Variants in GATAD2B observed in about 807,000 individuals in gnomAD.
The protein encoded by GATAD2B is GATA zinc finger domain containing 2B.
GATAD2B carries 8 observed loss-of-function variants against 64.3 expected under a neutral mutation model. That is an observed-to-expected ratio of 0.12 (90% CI 0.07 to 0.22). The LOEUF (loss-of-function observed/expected upper bound fraction) is 0.22. Among genes scored for constraint, GATAD2B ranks in the 10% least tolerant of loss-of-function variants. The pLI is 1.00. For synonymous variants in GATAD2B, 281 were observed against 271.3 expected, an observed-to-expected ratio of 1.04 and a Z score of -0.35; for missense variants, 453 against 752.0, an observed-to-expected ratio of 0.60 and a Z score of 4.65.
chr1:153,903,956 C>T (rs1048300823), intron 1 of GATAD2B, among the ~76,000 whole-genome samples: 14 of 152,004 alleles, frequency 9.2e-5, no homozygotes, highest in African/African-American at 2.9e-4. Flanking sequence ...TGCACTCCAG[C>T]GTTGGCAACA....
intron 2 of GATAD2B, among the ~76,000 whole-genome samples, chr1:153,826,672 G>C (rs1282165893): frequency 1.3e-5 from 2 of 151,856 alleles, no homozygotes; most frequent in African/African-American, 4.8e-5. Flanking sequence ...GGGTGTGGTG[G>C]CTCACAACAG....
At chr1:153,891,609 G>C (rs1242692235) in intron 1 of GATAD2B, among the ~76,000 whole-genome samples, 1 of 124,308 alleles carries the variant, frequency 8.0e-6, no homozygotes, top group Non-Finnish European at 1.7e-5. Context: ...GAGGTGGGGG[G>C]GAGAGGCAAA....
intron 2 of GATAD2B, among the ~76,000 whole-genome samples, chr1:153,821,756 C>T (rs1336825256): frequency 2.6e-5 from 4 of 151,340 alleles, no homozygotes; most frequent in South Asian, 2.1e-4. Flanking sequence ...TTAGTAGAGA[C>T]GGGGTTTCAC....
chr1:153,882,471 T>C (rs920947946), intron 1 of GATAD2B, among the ~76,000 whole-genome samples: 7 of 152,174 alleles, frequency 4.6e-5, no homozygotes, highest in Admixed American at 2.0e-4. Flanking sequence ...ACCCGATCCA[T>C]TGACACCGTT....
intron 1 of GATAD2B, among the ~76,000 whole-genome samples, chr1:153,851,523 CTGA>C (rs1038912823): frequency 6.6e-6 from 1 of 152,094 alleles, no homozygotes; most frequent in African/African-American, 2.4e-5. Context: ...GTGTACTTCT[CTGA>C]TGATTAGCAA....
chr1:153,839,108 C>CAAAAA lies in GATAD2B; in HGVS notation c.-1-10765_-1-10761dup, dbSNP rs35262137. Among the ~76,000 whole-genome samples the CAAAAA allele has an allele frequency of 3.1e-3, 245 of 78,542 alleles. 16 individuals are homozygous for CAAAAA. In the East Asian group the frequency reaches 0.049, roughly 16 times the overall value. The allele number at this position is 78,542 out of a possible 152,430, so 51.5% of individuals were successfully genotyped here. On this transcript the variant is annotated intron_variant, in intron 1 of 10. Coordinates refer to ENST00000368655, the MANE Select transcript of GATAD2B (RefSeq NM_020699.4). ...TGGGTGACAGAACGAGACCCTGTCT[C>CAAAAA]AAAAAAAAAAAAAAAAAAAAAAAAA...
At chr1:153,907,092 T>C (rs771682436) in intron 1 of GATAD2B, among the ~76,000 whole-genome samples, 5 of 152,212 alleles carry the variant, frequency 3.3e-5, no homozygotes, top group Admixed American at 6.5e-5. Flanking sequence ...ACTGTAACAA[T>C]TACTCAAAAA....
At chr1:153,880,701 A>C (rs548553636) in intron 1 of GATAD2B, among the ~76,000 whole-genome samples, 136 of 151,568 alleles carry the variant, frequency 9.0e-4, no homozygotes, top group Non-Finnish European at 1.6e-3. Flanking sequence ...AAAATTAGCC[A>C]GGTGTGGTGG....
intron 1 of GATAD2B, among the ~76,000 whole-genome samples, chr1:153,866,925 C>T (rs1049513038): frequency 1.3e-5 from 2 of 152,048 alleles, no homozygotes; most frequent in African/African-American, 2.4e-5. Flanking sequence ...GGATTATAGG[C>T]GCACACCACC....
intron 1 of GATAD2B, among the ~76,000 whole-genome samples, chr1:153,893,609 C>CG (rs1677487427): frequency 2.1e-5 from 3 of 141,260 alleles, no homozygotes; most frequent in African/African-American, 7.8e-5. Flanking sequence ...GACTCTGTCT[C>CG]AAAAAAAAAA....
At chr1:153,891,667 G>A (rs1479823920) in intron 1 of GATAD2B, among the ~76,000 whole-genome samples, 1 of 120,102 alleles carries the variant, frequency 8.3e-6, no homozygotes, top group African/African-American at 3.1e-5. Context: ...AAGTATGGGG[G>A]GGGGGGAGGG....
At chr1:153,896,993 T>C (rs1398838561) in intron 1 of GATAD2B, among the ~76,000 whole-genome samples, 1 of 152,116 alleles carries the variant, frequency 6.6e-6, no homozygotes, top group Non-Finnish European at 1.5e-5. Context: ...TAAAAAATAC[T>C]GTGGTTATGG....
chr1:153,840,944 T>C (rs756137928), intron 1 of GATAD2B, among the ~76,000 whole-genome samples: 3 of 151,650 alleles, frequency 2.0e-5, no homozygotes, highest in Non-Finnish European at 4.4e-5. Context: ...GCTGACACGG[T>C]GAAACCCCGT....
intron 10 of GATAD2B, among the ~76,000 whole-genome samples, chr1:153,811,226 C>T (rs1203973929): frequency 6.6e-6 from 1 of 152,190 alleles, no homozygotes; most frequent in Non-Finnish European, 1.5e-5. Context: ...AATCCCCACT[C>T]ATATTCCTAA....
chr1:153,904,598 G>C (rs1677871109), intron 1 of GATAD2B, among the ~76,000 whole-genome samples: 1 of 152,104 alleles, frequency 6.6e-6, no homozygotes, highest in African/African-American at 2.4e-5. Flanking sequence ...CTGGAGTAGA[G>C]TGGCATGACC....
intron 1 of GATAD2B, among the ~76,000 whole-genome samples, chr1:153,838,240 A>G (rs1247614901): frequency 6.6e-6 from 1 of 152,200 alleles, no homozygotes; most frequent in Non-Finnish European, 1.5e-5. Flanking sequence ...CTATCCATCC[A>G]TCCACCCCAC....
chr1:153,827,907 A>T, intron 2 of GATAD2B, 106 bp downstream of exon 2: 1 of 806,854 alleles, frequency 1.2e-6, no homozygotes, highest in Non-Finnish European at 2.0e-6. Context: ...ATCTTCTTTT[A>T]AGAATCTTTA....
At chr1:153,855,336 C>A (rs1676046330) in intron 1 of GATAD2B, among the ~76,000 whole-genome samples, 1 of 151,722 alleles carries the variant, frequency 6.6e-6, no homozygotes, top group South Asian at 2.1e-4. Context: ...TCAAGTGATT[C>A]TCTCACCTCA....
chr1:153,824,435 T>G (rs1240357462), intron 2 of GATAD2B, among the ~76,000 whole-genome samples: 1 of 152,002 alleles, frequency 6.6e-6, no homozygotes, highest in East Asian at 1.9e-4. Context: ...CGAGACCATC[T>G]GGCCAACATG....
Sources: allele counts gnomAD v4.1 joint callset (sites outside exome capture counted in the v4.1 genomes callset), GRCh38; gene constraint gnomAD v4.1.1; transcripts MANE v1.5; gene names NCBI Gene and HGNC (gene_info 2026-07-23, HGNC 2026-07-21).